The following ST3GAL3 variants were observed in gnomAD, a reference collection of about 807,000 sequenced individuals.
ST3GAL3 encodes the protein CMP-N-acetylneuraminate-beta-1,4-galactoside alpha-2,3-sialyltransferase.
In ST3GAL3, 21 loss-of-function variants were observed where a neutral mutation model predicts 50.1. The ratio of observed to expected loss-of-function variants is 0.42; its 90% confidence interval spans 0.30 to 0.60. The LOEUF (loss-of-function observed/expected upper bound fraction) is 0.60, where lower values mean the gene tolerates loss of function less well. ST3GAL3 is among the 20% of genes least tolerant of loss of function. The pLI, the probability that ST3GAL3 is intolerant of heterozygous loss-of-function variation, is 0.19. For missense variants in ST3GAL3, 353 were observed against 489.4 expected (o/e 0.72, Z 2.63); for synonymous variants, 183 against 190.0 (o/e 0.96, Z 0.30).
rs187606949 is a variant in ST3GAL3 at position 43,721,792 on chromosome 1, G to A, written c.-31+14099G>A. On this transcript the variant is annotated intron_variant, in intron 1 of 11. Coordinates refer to ENST00000347631, the MANE Select transcript of ST3GAL3 (RefSeq NM_006279.5). ...GATTTTGTACTTTTAGTAGAAACAG[G>A]GTTTCACCATGTTGGTCAGGCTGGT... is the stretch of plus-strand genomic sequence containing the variant. Among the ~76,000 whole-genome samples, 1,513 of 152,122 alleles carry A rather than the reference G, an allele frequency of 9.9e-3. 83 individuals carry two copies. Among genetic ancestry groups the A allele is most frequent in the Admixed American group, 0.093 (1,410 of 15,242 alleles).
intron 5 of ST3GAL3, chr1:43,879,135 C>T (rs1047560391): frequency 1.3e-5 from 6 of 448,638 alleles, no homozygotes; most frequent in African/African-American, 1.2e-4. Context: ...CAACAGAAAT[C>T]TGAATGAAAA....
chr1:43,821,092 TA>T (rs2062031009), intron 4 of ST3GAL3, among the ~76,000 whole-genome samples: 1 of 152,092 alleles, frequency 6.6e-6, no homozygotes, highest in Non-Finnish European at 1.5e-5. Context: ...CTAGTTGGAA[TA>T]AACGGAAAAT....
At chr1:43,889,545 G>A (rs1158019951) in intron 5 of ST3GAL3, among the ~76,000 whole-genome samples, 1 of 152,210 alleles carries the variant, frequency 6.6e-6, no homozygotes, top group African/African-American at 2.4e-5. Flanking sequence ...TAATTTGTCT[G>A]TTCTTCTAGT....
chr1:43,900,990 C>CA lies in ST3GAL3; in HGVS notation c.744+1264dup, dbSNP rs1334446198. Among the ~76,000 whole-genome samples the CA allele has an allele frequency of 2.0e-5, 3 of 152,368 alleles. No individual in the cohort carries two copies. The East Asian group carries it at 5.8e-4, about 29-fold the overall frequency. On this transcript the variant is annotated intron_variant, in intron 9 of 11. Transcript: ENST00000347631. ...AGCCAGGCCCAACTTCAAGCAGGCCCACTGCCCACACAGACCAGGTAAATA... is the reference window on the plus strand; with the variant it reads ...AGCCAGGCCCAACTTCAAGCAGGCCCAACTGCCCACACAGACCAGGTAAATA...
intron 1 of ST3GAL3, among the ~76,000 whole-genome samples, chr1:43,713,021 A>T (rs747653510): frequency 2.0e-5 from 3 of 152,258 alleles, no homozygotes; most frequent in Non-Finnish European, 4.4e-5. Flanking sequence ...GAGGCAGAAT[A>T]GTGAATAGCT....
At chr1:43,852,971 C>T (rs2067624637) in intron 5 of ST3GAL3, among the ~76,000 whole-genome samples, 1 of 151,984 alleles carries the variant, frequency 6.6e-6, no homozygotes, top group African/African-American at 2.4e-5. Context: ...AAATAAAGAT[C>T]CTAGAGTAAG....
chr1:43,851,754 G>A (rs1035750373), intron 5 of ST3GAL3: 29 of 886,856 alleles, frequency 3.3e-5, no homozygotes, highest in East Asian at 1.5e-4. Flanking sequence ...CGAAGCTGCC[G>A]GAACACAGCC....
intron 11 of ST3GAL3, among the ~76,000 whole-genome samples, chr1:43,929,310 A>ATTT (rs879289204): frequency 0.046 from 3,560 of 76,616 alleles, 159 homozygotes; most frequent in African/African-American, 0.11. Context: ...TTTAATTATT[A>ATTT]TTTTTTTTTT....
chr1:43,898,273 T>A lies in ST3GAL3; in HGVS notation c.436T>A (p.Tyr146Asn). ...AGCCATCTTGTCAGTCACCAAAGAG[T>A]ACCGCCTGACCCCTGCCTTGGACAG... is the stretch of plus-strand genomic sequence containing the variant. ...IKAILSVTKE[Y>N]RLTPALDSLR... The change falls in exon 7 of 12, where the codon TAC (tyrosine) becomes AAC (asparagine). Residue 146 changes from tyrosine (Y) to asparagine (N), a missense_variant. Tyr to Asn is a moderately radical substitution (Grantham distance 143). Coordinates refer to ENST00000347631, the MANE Select transcript of ST3GAL3 (RefSeq NM_006279.5). 6.2e-7 allele frequency: 1 copy of A among 1,613,758 alleles called. No individual in the cohort carries two copies. The highest frequency in any genetic ancestry group is 8.5e-7 in the Non-Finnish European group (1 of 1,180,014).
At chr1:43,806,467 G>A (rs2059898839) in intron 3 of ST3GAL3, among the ~76,000 whole-genome samples, 1 of 152,114 alleles carries the variant, frequency 6.6e-6, no homozygotes, top group Non-Finnish European at 1.5e-5. Context: ...AACAGGGTCT[G>A]CATGTAGAAA....
At chr1:43,749,427 G>A (rs1307312731) in intron 2 of ST3GAL3, among the ~76,000 whole-genome samples, 2 of 152,168 alleles carry the variant, frequency 1.3e-5, no homozygotes, top group Non-Finnish European at 2.9e-5. Context: ...GGATCCAGAA[G>A]ATATAAGGAA....
chr1:43,917,612 A>ATATAT lies in ST3GAL3; in HGVS notation c.745-2781_745-2777dup, dbSNP rs66848425. Among the ~76,000 whole-genome samples the ATATAT allele has an allele frequency of 8.0e-4, 57 of 71,132 alleles. 1 individual carries two copies. Among genetic ancestry groups the ATATAT allele is most frequent in the African/African-American group, 3.0e-3 (52 of 17,454 alleles). 46.7% of individuals were successfully genotyped at this position (71,132 alleles called of 152,430 possible). A position where few individuals can be genotyped will look rare whatever the true frequency, so the allele number is the denominator to read the frequency against. On this transcript the variant is annotated intron_variant, in intron 9 of 11. Coordinates refer to ENST00000347631, the MANE Select transcript of ST3GAL3 (RefSeq NM_006279.5). ...ATATATAATATATATATTATATATT[A>ATATAT]TATATTATATTATATATAATATATA...
intron 2 of ST3GAL3, among the ~76,000 whole-genome samples, chr1:43,764,753 C>A (rs1179854418): frequency 6.6e-6 from 1 of 152,220 alleles, no homozygotes; most frequent in African/African-American, 2.4e-5. Flanking sequence ...AGGGCTGCCC[C>A]AGGAAGGGGC....
intron 9 of ST3GAL3, among the ~76,000 whole-genome samples, chr1:43,911,606 GATAT>G (rs1230855203): frequency 2.0e-5 from 3 of 148,186 alleles, no homozygotes; most frequent in Non-Finnish European, 3.0e-5. Flanking sequence ...TGTAGCTATA[GATAT>G]CTACAGATAT....
intron 2 of ST3GAL3, among the ~76,000 whole-genome samples, chr1:43,767,488 C>T (rs1693529635): frequency 6.6e-6 from 1 of 152,036 alleles, no homozygotes; most frequent in East Asian, 1.9e-4. Context: ...CAAGTCTCAA[C>T]AAGTGTCAGA....
intron 5 of ST3GAL3, among the ~76,000 whole-genome samples, chr1:43,862,293 G>C (rs1329450481): frequency 2.0e-5 from 3 of 152,160 alleles, no homozygotes; most frequent in Non-Finnish European, 4.4e-5. Flanking sequence ...TCCTGCCCTG[G>C]AGCTCCCCCA....
chr1:43,822,582 A>G (rs2062248413), intron 4 of ST3GAL3, among the ~76,000 whole-genome samples: 1 of 152,248 alleles, frequency 6.6e-6, no homozygotes, highest in African/African-American at 2.4e-5. Context: ...CAGTCTAAAT[A>G]TAGCCTGAGG....
chr1:43,768,355 C>G (rs1693888591), intron 2 of ST3GAL3, among the ~76,000 whole-genome samples: 1 of 152,186 alleles, frequency 6.6e-6, no homozygotes, highest in African/African-American at 2.4e-5. Flanking sequence ...GCAGGAGACT[C>G]ACTTGAGCCC....
intron 3 of ST3GAL3, among the ~76,000 whole-genome samples, chr1:43,802,890 G>A (rs988309238): frequency 6.6e-6 from 1 of 152,110 alleles, no homozygotes; most frequent in South Asian, 2.1e-4. Flanking sequence ...AGAGTTGGAG[G>A]CTGACCCTAT....
Sources: gnomAD v4.1 joint callset for allele counts (sites outside exome capture counted in the v4.1 genomes callset) on GRCh38, gnomAD v4.1.1 for gene constraint, MANE v1.5 for transcripts, NCBI Gene and HGNC (gene_info 2026-07-23, HGNC 2026-07-21) for gene names.